Variants in PDE8B observed in about 807,000 individuals in gnomAD.
The protein encoded by PDE8B is high affinity cAMP-specific and IBMX-insensitive 3',5'-cyclic phosphodiesterase 8B.
A neutral mutation model predicts 101.3 loss-of-function variants in PDE8B; 26 were observed. That is an observed-to-expected ratio of 0.26 (90% CI 0.19 to 0.36). The LOEUF (loss-of-function observed/expected upper bound fraction) is 0.36. Among genes scored for constraint, PDE8B ranks in the 10% least tolerant of loss-of-function variants. The pLI, the probability that PDE8B is intolerant of heterozygous loss-of-function variation, is 1.00. For synonymous variants in PDE8B, 424 were observed against 429.3 expected, an observed-to-expected ratio of 0.99 and a Z score of 0.15; for missense variants, 810 against 1,163.1, an observed-to-expected ratio of 0.70 and a Z score of 4.42.
intron 10 of PDE8B, among the ~76,000 whole-genome samples, chr5:77,390,768 C>T (rs1286042399): frequency 6.6e-6 from 1 of 152,202 alleles, no homozygotes; most frequent in East Asian, 1.9e-4. Flanking sequence ...CTGGCACATC[C>T]CTTCTGGGGC....
At chr5:77,291,773 T>C (rs1446724357) in intron 1 of PDE8B, 1 of 1,580,212 alleles carries the variant, frequency 6.3e-7, no homozygotes, top group Non-Finnish European at 8.7e-7. Context: ...GTAAAGACTT[T>C]CCTCTGGCCC....
Position 77,291,275 on chromosome 5 carries a change from C to T in PDE8B, c.340-20719C>T, listed in dbSNP as rs1160188562. The T allele has an allele frequency of 7.4e-6, 12 of 1,613,030 alleles. No homozygotes were observed. The Admixed American group carries it at 2.0e-4, about 27-fold the overall frequency. The stretch of plus-strand genomic sequence containing the variant: ...AGATCCGAGTTGGGAACCCATGGGA[C>T]CCTAATGTTCTCTATGGGCCACTCC... On this transcript the variant is annotated intron_variant, in intron 1 of 21. Transcript: ENST00000264917.
At chr5:77,209,690 CTTG>C (rs1197620475), upstream of PDE8B, among the ~76,000 whole-genome samples, 3 of 152,130 alleles carry the variant, frequency 2.0e-5, no homozygotes, top group South Asian at 2.1e-4. Flanking sequence ...GAGGGAAGGC[CTTG>C]TTGACTGCCC....
At chr5:77,110,562 T>C in the PDE8B span, among the ~76,000 whole-genome samples, 2 of 152,278 alleles carry the variant, frequency 1.3e-5, no homozygotes, top group South Asian at 4.1e-4. Flanking sequence ...CCCAATTTCA[T>C]GTTGGAGATG....
At chr5:77,335,571 G>A (rs529147320) in intron 5 of PDE8B, among the ~76,000 whole-genome samples, 68 of 151,712 alleles carry the variant, frequency 4.5e-4, no homozygotes, top group African/African-American at 1.5e-3. Flanking sequence ...GTGTGAGAGA[G>A]AGAGGAAGGA....
chr5:77,315,356 C>T (rs1397102278), intron 2 of PDE8B, among the ~76,000 whole-genome samples: 1 of 152,042 alleles, frequency 6.6e-6, no homozygotes, highest in Non-Finnish European at 1.5e-5. Flanking sequence ...CAAGGCTGAT[C>T]CCCCCACCCC....
At chr5:77,249,569 C>T (rs984559485) in intron 1 of PDE8B, among the ~76,000 whole-genome samples, 4 of 152,168 alleles carry the variant, frequency 2.6e-5, no homozygotes, top group East Asian at 1.9e-4. Context: ...AAATTTAGAA[C>T]GAAGGTTTTG....
rs556184888 is a variant in PDE8B at position 77,223,027 on chromosome 5, A to G, written c.339+11763A>G. On this transcript the variant is annotated intron_variant, in intron 1 of 21. Coordinates refer to ENST00000264917, the MANE Select transcript of PDE8B (RefSeq NM_003719.5). ...TTGCTTTGGGTTGAAGCTCTAAAGC[A>G]GCATTACCCAATAGAAATAAAATGT... 1.6e-4 allele frequency among the ~76,000 whole-genome samples: 24 copies of G among 152,338 alleles called. No individual in the cohort carries two copies. The South Asian group carries it at 5.0e-3, about 32-fold the overall frequency.
intron 1 of PDE8B, among the ~76,000 whole-genome samples, chr5:77,265,728 C>T (rs1338525178): frequency 2.0e-5 from 3 of 152,022 alleles, no homozygotes; most frequent in Admixed American, 1.3e-4. Context: ...GCTAGGGAAG[C>T]GTAAGAATGT....
At chr5:77,196,749 G>A in the PDE8B span, among the ~76,000 whole-genome samples, 2 of 152,106 alleles carry the variant, frequency 1.3e-5, no homozygotes, top group African/African-American at 2.4e-5. Context: ...TTATGGAAAT[G>A]TTTGTGTAGG....
chr5:77,122,639 G>A, the PDE8B span, among the ~76,000 whole-genome samples: 1 of 152,166 alleles, frequency 6.6e-6, no homozygotes, highest in Non-Finnish European at 1.5e-5. Flanking sequence ...ATAACACCAT[G>A]TATCAGCTAT....
Position 77,413,250 on chromosome 5 carries a change from A to G in PDE8B, c.1852A>G (p.Thr618Ala). 6.2e-7 allele frequency: 1 copy of G among 1,613,828 alleles called. No individual in the cohort carries two copies. The change falls in exon 17 of 22, where the codon ACC (threonine) becomes GCC (alanine). Residue 618 changes from threonine to alanine, a missense_variant. By Grantham distance (58) the Thr-to-Ala change is moderately conservative (BLOSUM62 0). Coordinates refer to ENST00000264917, the MANE Select transcript of PDE8B (RefSeq NM_003719.5). Reference protein sequence around the residue: ...YHSSNAYHNSTHAADVLHATA... With the variant: ...YHSSNAYHNSAHAADVLHATA... ...CTCTTCCAATGCCTACCACAACTCC[A>G]CCCATGCTGCCGACGTCCTGCACGC...
At chr5:77,258,343 G>A (rs1393022075) in intron 1 of PDE8B, among the ~76,000 whole-genome samples, 4 of 150,112 alleles carry the variant, frequency 2.7e-5, no homozygotes, top group African/African-American at 9.8e-5. Flanking sequence ...GTTTAGAGCA[G>A]AGTGAACTGA....
the PDE8B span, among the ~76,000 whole-genome samples, chr5:77,155,822 A>G: frequency 6.6e-6 from 1 of 152,228 alleles, no homozygotes; most frequent in East Asian, 1.9e-4. Context: ...CCTTCTTGCT[A>G]TACCACTAGG....
chr5:77,213,404 G>T (rs1164293042), intron 1 of PDE8B, among the ~76,000 whole-genome samples: 3 of 152,164 alleles, frequency 2.0e-5, no homozygotes, highest in African/African-American at 7.2e-5. Context: ...AAATCTTACA[G>T]AATTATTATC....
the PDE8B span, chr5:77,146,842 G>T: frequency 2.8e-6 from 1 of 352,060 alleles, no homozygotes; most frequent in Non-Finnish European, 5.8e-6. Flanking sequence ...GTAGTTCAAG[G>T]ATCCCAATGC....
chr5:77,215,063 C>G (rs373830683), intron 1 of PDE8B, among the ~76,000 whole-genome samples: 2 of 152,138 alleles, frequency 1.3e-5, no homozygotes, highest in African/African-American at 2.4e-5. Flanking sequence ...TATGGGAAAC[C>G]TGCTATCCCT....
intron 1 of PDE8B, among the ~76,000 whole-genome samples, chr5:77,233,699 T>TGTGCGC (rs979930633): frequency 2.0e-5 from 3 of 146,886 alleles, no homozygotes; most frequent in African/African-American, 7.6e-5. Flanking sequence ...TGTGTGTGTG[T>TGTGCGC]GCAGTAGACT....
At chr5:77,171,270 A>G in the PDE8B span, among the ~76,000 whole-genome samples, 1 of 152,206 alleles carries the variant, frequency 6.6e-6, no homozygotes, top group African/African-American at 2.4e-5. Flanking sequence ...TCACTTGGAA[A>G]TGGCACTTTG....
Sources: allele counts gnomAD v4.1 joint callset (sites outside exome capture counted in the v4.1 genomes callset), GRCh38; gene constraint gnomAD v4.1.1; transcripts MANE v1.5; gene names NCBI Gene and HGNC (gene_info 2026-07-23, HGNC 2026-07-21).